Variants in MAGI2 observed in about 807,000 individuals in gnomAD.
The protein encoded by MAGI2 is membrane-associated guanylate kinase, WW and PDZ domain-containing protein 2.
In MAGI2, 35 loss-of-function variants were observed where a neutral mutation model predicts 133.3. That is an observed-to-expected ratio of 0.26 (90% CI 0.20 to 0.35). MAGI2 has a LOEUF of 0.35. MAGI2 is among the 10% of genes least tolerant of loss of function. The probability of loss-of-function intolerance (pLI) is 1.00; values close to 1 mark genes in which losing one functional copy is unlikely to be tolerated. For missense variants in MAGI2, 1,636 were observed against 1,863.4 expected (o/e 0.88, Z 2.25); for synonymous variants, 729 against 710.6 (o/e 1.03, Z -0.41).
intron 1 of MAGI2, among the ~76,000 whole-genome samples, chr7:79,044,077 T>C (rs1811946186): frequency 1.3e-5 from 2 of 152,148 alleles, no homozygotes; most frequent in African/African-American, 4.8e-5. Context: ...ACTCATTCCA[T>C]GAGGTAAGCC....
rs1563316504 is a variant in MAGI2 at position 78,243,275 on chromosome 7, TC to T, written c.2047+12667del. On this transcript the variant is annotated intron_variant, in intron 10 of 21. Transcript: ENST00000354212. ...CACACACACACACACACACACTCTC[TC>T]TCTCTCTCTCTTATAAAACAAATGG... 8.8e-5 allele frequency among the ~76,000 whole-genome samples: 4 copies of T among 45,386 alleles called. No homozygotes were observed. In the East Asian group the frequency reaches 1.5e-3, roughly 17 times the overall value. The allele number at this position is 45,386 out of a possible 152,430, so 29.8% of individuals were successfully genotyped here. A position where few individuals can be genotyped will look rare whatever the true frequency, so the allele number is the denominator to read the frequency against.
intron 1 of MAGI2, among the ~76,000 whole-genome samples, chr7:79,438,280 A>G (rs1298060554): frequency 6.6e-6 from 1 of 152,124 alleles, no homozygotes; most frequent in Admixed American, 6.6e-5. Flanking sequence ...TTTAATACCA[A>G]CTGGAGCAAA....
chr7:78,364,587 T>C (rs1164419498), intron 7 of MAGI2, among the ~76,000 whole-genome samples: 1 of 152,240 alleles, frequency 6.6e-6, no homozygotes, highest in Admixed American at 6.5e-5. Context: ...CAGTCTCCAC[T>C]ATCATTTTAA....
At chr7:78,330,547 G>C (rs1789065558) in intron 9 of MAGI2, among the ~76,000 whole-genome samples, 1 of 39,822 alleles carries the variant, frequency 2.5e-5, no homozygotes, top group Non-Finnish European at 5.7e-5. Flanking sequence ...AACCCCAGGG[G>C]GCGGAGCCTG....
At chr7:79,251,216 C>G (rs1377748556) in intron 1 of MAGI2, among the ~76,000 whole-genome samples, 2 of 151,740 alleles carry the variant, frequency 1.3e-5, no homozygotes, top group Non-Finnish European at 2.9e-5. Context: ...CACAGACATC[C>G]AAAGAAAAAA....
Position 78,257,448 on chromosome 7 carries a change from G to A in MAGI2, c.1409-867C>T, listed in dbSNP as rs80344544. On this transcript the variant is annotated intron_variant, in intron 9 of 21. Transcript: ENST00000354212. ...GATAAACTAATATTTCTGTGGATCAGTTTCAATAAAGGCACTTGTCCTTTC... is the reference window on the plus strand; with the variant it reads ...GATAAACTAATATTTCTGTGGATCAATTTCAATAAAGGCACTTGTCCTTTC... Among the ~76,000 whole-genome samples the A allele has an allele frequency of 1.2e-4, 19 of 152,248 alleles. 1 individual carries two copies. In the South Asian group the frequency reaches 3.9e-3, roughly 32 times the overall value.
intron 2 of MAGI2, among the ~76,000 whole-genome samples, chr7:78,977,905 A>T (rs1292953944): frequency 6.6e-6 from 1 of 151,846 alleles, no homozygotes; most frequent in Non-Finnish European, 1.5e-5. Flanking sequence ...TCACCAAAAA[A>T]CTTACAAACA....
At chr7:78,506,297 G>C (rs970771210) in intron 4 of MAGI2, among the ~76,000 whole-genome samples, 2 of 152,174 alleles carry the variant, frequency 1.3e-5, no homozygotes, top group African/African-American at 4.8e-5. Context: ...ATTCTGTGGG[G>C]TAGGGGTAGG....
intron 2 of MAGI2, among the ~76,000 whole-genome samples, chr7:78,812,471 T>C (rs17151525): frequency 0.069 from 10,517 of 152,246 alleles, 400 homozygotes; most frequent in Admixed American, 0.12. Flanking sequence ...CAGGTATCTC[T>C]TGAAATAATC....
intron 6 of MAGI2, among the ~76,000 whole-genome samples, chr7:78,395,126 T>A (rs1796226619): frequency 6.6e-6 from 1 of 152,200 alleles, no homozygotes; most frequent in Non-Finnish European, 1.5e-5. Context: ...AAAGCTGTCT[T>A]GTCTTTCCTT....
chr7:78,552,679 C>T (rs927532280), intron 3 of MAGI2, among the ~76,000 whole-genome samples: 3 of 152,106 alleles, frequency 2.0e-5, no homozygotes, highest in African/African-American at 7.2e-5. Flanking sequence ...GCCTGTGATT[C>T]GTCCCAGCTA....
chr7:79,271,706 TAA>T (rs1834893518), intron 1 of MAGI2, among the ~76,000 whole-genome samples: 1 of 144,528 alleles, frequency 6.9e-6, no homozygotes, highest in Non-Finnish European at 1.5e-5. Flanking sequence ...ATAATAGAGG[TAA>T]AAGAGATTTT....
rs552344748 is a variant in MAGI2 at position 78,938,253 on chromosome 7, T to C, written c.418+68837A>G. Among the ~76,000 whole-genome samples the C allele has an allele frequency of 3.3e-5, 5 of 152,174 alleles. No individual in the cohort carries two copies. In the South Asian group the frequency reaches 1.0e-3, roughly 32 times the overall value. On this transcript the variant is annotated intron_variant, in intron 2 of 21. Transcript: ENST00000354212. ...TGACAAAAAATTAATGTTATTAACA[T>C]ACAAAGAGATATTGAAAGAGAAGAA...
chr7:78,624,957 T>C (rs539739872), intron 3 of MAGI2, among the ~76,000 whole-genome samples: 1 of 152,148 alleles, frequency 6.6e-6, no homozygotes, highest in African/African-American at 2.4e-5. Context: ...GGGCAGGTCC[T>C]TAGGAGGTAT....
chr7:79,391,518 T>TATATATATATATATAGAC, intron 1 of MAGI2, among the ~76,000 whole-genome samples: 1 of 59,576 alleles, frequency 1.7e-5, no homozygotes, highest in Non-Finnish European at 2.7e-5. Context: ...CATATATATA[T>TATATATATATATATAGAC]ATATATATAT....
chr7:79,024,597 A>G (rs1488381746), intron 1 of MAGI2, among the ~76,000 whole-genome samples: 1 of 152,170 alleles, frequency 6.6e-6, no homozygotes, highest in African/African-American at 2.4e-5. Flanking sequence ...AAATATTTGC[A>G]AACTATACAA....
intron 21 of MAGI2, among the ~76,000 whole-genome samples, chr7:78,036,410 A>C (rs1810226380): frequency 3.0e-3 from 2 of 666 alleles, no homozygotes; most frequent in Non-Finnish European, 5.2e-3. Context: ...GTAAATAATA[A>C]TAATAATGAT....
intron 2 of MAGI2, among the ~76,000 whole-genome samples, chr7:78,874,814 C>T (rs908337554): frequency 3.3e-5 from 5 of 152,100 alleles, no homozygotes; most frequent in African/African-American, 1.2e-4. Context: ...GTTGAAGTAA[C>T]GGATAGGCTA....
At chr7:79,066,801 G>C (rs1423548332) in intron 1 of MAGI2, among the ~76,000 whole-genome samples, 2 of 152,132 alleles carry the variant, frequency 1.3e-5, no homozygotes, top group African/African-American at 4.8e-5. Flanking sequence ...TGTAAGGAAG[G>C]GATCCAGTTT....
Sources: allele counts gnomAD v4.1 joint callset (sites outside exome capture counted in the v4.1 genomes callset), GRCh38; gene constraint gnomAD v4.1.1; transcripts MANE v1.5; gene names NCBI Gene and HGNC (gene_info 2026-07-23, HGNC 2026-07-21).